The following ZMYND11 variants were observed in gnomAD, a reference collection of about 807,000 sequenced individuals.
ZMYND11 encodes zinc finger MYND-type containing 11, also known as zinc finger MYND domain-containing protein 11.
In ZMYND11, 9 loss-of-function variants were observed where a neutral mutation model predicts 84.9. That is an observed-to-expected ratio of 0.11 (90% CI 0.06 to 0.18). ZMYND11 has a LOEUF of 0.18. Ranked by LOEUF, ZMYND11 falls within the 10% of genes least tolerant of loss-of-function variation. The probability of loss-of-function intolerance (pLI) is 1.00; values close to 1 mark genes in which losing one functional copy is unlikely to be tolerated. For missense variants in ZMYND11, 409 were observed against 761.0 expected (o/e 0.54, Z 5.44); for synonymous variants, 250 against 244.1 (o/e 1.02, Z -0.23).
intron 1 of ZMYND11, among the ~76,000 whole-genome samples, chr10:167,825 TACAC>T (rs1374213081): frequency 6.6e-6 from 1 of 152,168 alleles, no homozygotes; most frequent in African/African-American, 2.4e-5. Context: ...ATGTGGCAAA[TACAC>T]ATAACATATA....
In ZMYND11 at chr10:135,925, C is replaced by A. The variant is rs1835897339; in HGVS notation, c.-20+366C>A. Among the ~76,000 whole-genome samples, 1 of 151,402 alleles carries A rather than the reference C, an allele frequency of 6.6e-6. No individual in the cohort carries two copies. On this transcript the variant is annotated intron_variant, in intron 1 of 14. Coordinates refer to ENST00000381604, the MANE Select transcript of ZMYND11 (RefSeq NM_001370100.5). This position sits in a 1 kb window ranked among gnomAD's most constrained non-coding sequence, Gnocchi z 5.6. ...TGAGCACCGCCCGCCGGGCCCTGTG[C>A]CCCGCTTTCGGTCAGGCCTCCTGGG...
chr10:231,110 T>C (rs926971839), intron 4 of ZMYND11, among the ~76,000 whole-genome samples: 7 of 152,236 alleles, frequency 4.6e-5, no homozygotes, highest in African/African-American at 1.7e-4. Context: ...ACTCGTGATG[T>C]ATGCATTATT....
intron 1 of ZMYND11, among the ~76,000 whole-genome samples, chr10:158,865 G>C (rs969977953): frequency 6.6e-6 from 1 of 151,518 alleles, no homozygotes; most frequent in Non-Finnish European, 1.5e-5. Flanking sequence ...CTTTTTTGGA[G>C]AAACATCTGT....
At chr10:162,215 T>C (rs183581492) in intron 1 of ZMYND11, among the ~76,000 whole-genome samples, 2 of 152,288 alleles carry the variant, frequency 1.3e-5, no homozygotes, top group African/African-American at 4.8e-5. Context: ...ACACACAACA[T>C]TTATTGATTA....
rs1950525537 is a variant in ZMYND11, at chr10:239,482, T to C, written c.654T>C (p.Ala218=). The C allele has an allele frequency of 6.2e-7, 1 of 1,613,680 alleles. No individual in the cohort carries two copies. The highest frequency in any genetic ancestry group is 2.2e-5 in the East Asian group (1 of 44,886). ...ACCGAAGTTATGAAGAGTTCAAAGCTGATGCCCAATTGCTTCTCCACAATA... is the reference window on the plus strand; with the variant it reads ...ACCGAAGTTATGAAGAGTTCAAAGCCGATGCCCAATTGCTTCTCCACAATA... The part of the protein sequence containing the change: ...GKYRSYEEFK[A]DAQLLLHNTV... Residue 218 remains alanine (A), a synonymous_variant, in exon 7 of 15, where the codon GCT becomes GCC. Transcript: ENST00000381604.
At chr10:249,325 T>C (rs1952845994) in intron 14 of ZMYND11, 1 of 1,298,120 alleles carries the variant, frequency 7.7e-7, no homozygotes, top group Admixed American at 3.7e-5. Context: ...TTATAATACC[T>C]TAGTACATAT....
intron 1 of ZMYND11, among the ~76,000 whole-genome samples, chr10:164,439 T>C (rs530996606): frequency 1.2e-4 from 18 of 152,298 alleles, no homozygotes; most frequent in Non-Finnish European, 2.5e-4. Context: ...TCATAATACA[T>C]GTCCGTCACA....
At chr10:134,074 A>G (rs1357612413), upstream of ZMYND11, among the ~76,000 whole-genome samples, 1 of 152,180 alleles carries the variant, frequency 6.6e-6, no homozygotes, top group African/African-American at 2.4e-5. Flanking sequence ...AAGACGGCCA[A>G]TAGATACCTG....
intron 4 of ZMYND11, among the ~76,000 whole-genome samples, chr10:235,956 A>C (rs10794885): frequency 0.3 from 45,965 of 152,162 alleles, 7,366 homozygotes; most frequent in East Asian, 0.49. Flanking sequence ...CCTTTCCTCT[A>C]CTGTATTTAG....
intron 1 of ZMYND11, among the ~76,000 whole-genome samples, chr10:167,522 T>G (rs1379397757): frequency 6.6e-6 from 1 of 152,166 alleles, no homozygotes; most frequent in East Asian, 1.9e-4. Flanking sequence ...AATGACCTGT[T>G]TTGCTATCAG....
chr10:185,131 A>G (rs1215059325), intron 2 of ZMYND11, among the ~76,000 whole-genome samples: 7 of 152,082 alleles, frequency 4.6e-5, no homozygotes, highest in Non-Finnish European at 1.0e-4. Context: ...AGTGTGTAAA[A>G]TCCTGACCAG....
chr10:141,388 G>A (rs1447578408), intron 1 of ZMYND11, among the ~76,000 whole-genome samples: 5 of 152,142 alleles, frequency 3.3e-5, no homozygotes, highest in African/African-American at 1.2e-4. Context: ...ACTGAAGCAA[G>A]CACAATAAAA....
chr10:224,800 G>A (rs1223853138), intron 4 of ZMYND11, among the ~76,000 whole-genome samples: 1 of 152,142 alleles, frequency 6.6e-6, no homozygotes, highest in Non-Finnish European at 1.5e-5. Flanking sequence ...AGTTCCTCAT[G>A]TAGCAGGTGT....
intron 2 of ZMYND11, among the ~76,000 whole-genome samples, chr10:200,386 CAAT>C (rs1389191375): frequency 1.4e-5 from 2 of 142,876 alleles, no homozygotes; most frequent in African/African-American, 5.2e-5. Context: ...GTATATATAA[CAAT>C]ATATATTATA....
chr10:151,211 A>G (rs368948976), intron 1 of ZMYND11, among the ~76,000 whole-genome samples: 1 of 152,208 alleles, frequency 6.6e-6, no homozygotes, highest in Non-Finnish European at 1.5e-5. Context: ...ACAAAGCTGG[A>G]TGGGAATGAC....
rs1361857608 is a variant in ZMYND11 at position 254,100 on chromosome 10, CCA to C, written c.*1633_*1634del. 1 of 152,516 alleles carries C rather than the reference CCA, an allele frequency of 6.6e-6. No homozygotes were observed. The highest frequency in any genetic ancestry group is 1.5e-5 in the Non-Finnish European group (1 of 68,040). 9.4% of individuals were successfully genotyped at this position (152,516 alleles called of 1,614,324 possible). ...GTTGCTGTGTAATTAGTCAGTGTTG[CCA>C]CAGTGTGTGGCGCTGATGGAGATGT... On this transcript the variant is annotated 3_prime_UTR_variant, in exon 15 of 15. Transcript: ENST00000381604.
At chr10:174,495 T>C (rs373723883) in intron 1 of ZMYND11, among the ~76,000 whole-genome samples, 10 of 152,222 alleles carry the variant, frequency 6.6e-5, no homozygotes, top group East Asian at 5.8e-4. Flanking sequence ...CATACATTGG[T>C]CAAAACCCAT....
At chr10:248,799 G>A (rs1952738250) in intron 13 of ZMYND11, 104 bp from the exon 14 acceptor site, 3 of 1,451,664 alleles carry the variant, frequency 2.1e-6, no homozygotes, top group African/African-American at 1.4e-5. Context: ...GTAATGAAGG[G>A]GAAAAAAGGT....
At chr10:173,035 G>GAA (rs1218973523) in intron 1 of ZMYND11, among the ~76,000 whole-genome samples, 6 of 125,776 alleles carry the variant, frequency 4.8e-5, no homozygotes, top group Admixed American at 8.0e-5. Context: ...TCCACTTTCA[G>GAA]AAAAAAAAAA....
Sources: allele counts gnomAD v4.1 joint callset (sites outside exome capture counted in the v4.1 genomes callset), GRCh38; gene constraint gnomAD v4.1.1; non-coding constraint Gnocchi (gnomAD v3.1); transcripts MANE v1.5; gene names NCBI Gene and HGNC (gene_info 2026-07-23, HGNC 2026-07-21).